SRSF4: variants seen among roughly 807,000 people sequenced by gnomAD.
The protein encoded by SRSF4 is serine and arginine rich splicing factor 4.
Under a neutral mutation model 48.8 loss-of-function variants are expected in SRSF4, and 12 were observed. That is an observed-to-expected ratio of 0.25 (90% CI 0.16 to 0.40). The LOEUF is 0.40. Ranked by LOEUF, SRSF4 falls within the 10% of genes least tolerant of loss-of-function variation. SRSF4 has a pLI of 1.00. For missense variants in SRSF4, 466 were observed against 667.1 expected (o/e 0.70, Z 3.32); for synonymous variants, 248 against 232.5 (o/e 1.07, Z -0.61).
In SRSF4 at chr1:29,159,489, T is replaced by C; in HGVS notation, c.251-3A>G. On this transcript the variant is annotated splice_region_variant and splice_polypyrimidine_tract_variant and intron_variant, in intron 2 of 5. Coordinates refer to ENST00000373795, the MANE Select transcript of SRSF4 (RefSeq NM_005626.5). Reference sequence around the variant, plus strand: ...ACTTCTTCTATAACCATATCCACCTTTGGAAGGTTCAAATAAATAAGATTA... The same window carrying C: ...ACTTCTTCTATAACCATATCCACCTCTGGAAGGTTCAAATAAATAAGATTA... 1 of 1,606,156 alleles carries C rather than the reference T, an allele frequency of 6.2e-7. No homozygotes were observed. Among genetic ancestry groups the C allele is most frequent in the Non-Finnish European group, 8.5e-7 (1 of 1,173,760 alleles).
chr1:29,178,812 G>C (rs947868122), intron 1 of SRSF4, among the ~76,000 whole-genome samples: 1 of 152,100 alleles, frequency 6.6e-6, no homozygotes, highest in African/African-American at 2.4e-5. Flanking sequence ...CAGCGTTTTT[G>C]CCATACAGGC....
chr1:29,181,568 C>A, intron 1 of SRSF4, 78 bp downstream of exon 1: 1 of 1,272,616 alleles, frequency 7.9e-7, no homozygotes, highest in South Asian at 1.4e-5. Context: ...ACCAGGCGTC[C>A]CTCTCCCGTC....
At chr1:29,156,311 C>A (rs113771997) in intron 3 of SRSF4, among the ~76,000 whole-genome samples, 10 of 150,450 alleles carry the variant, frequency 6.6e-5, no homozygotes, top group African/African-American at 2.4e-4. Context: ...CGAGATTGTG[C>A]CACTGCATTC....
intron 3 of SRSF4, among the ~76,000 whole-genome samples, chr1:29,158,735 G>C (rs888619340): frequency 6.6e-6 from 1 of 152,172 alleles, no homozygotes; most frequent in South Asian, 2.1e-4. Context: ...GAGGCCAGGA[G>C]TTCGAGACCA....
chr1:29,165,453 T>G (rs1414893382), intron 1 of SRSF4, among the ~76,000 whole-genome samples: 1 of 151,794 alleles, frequency 6.6e-6, no homozygotes, highest in Non-Finnish European at 1.5e-5. Context: ...AGGCAAGAAT[T>G]ATTATCTGAG....
At chr1:29,181,135 G>A (rs3094740) in intron 1 of SRSF4, among the ~76,000 whole-genome samples, 1 of 152,110 alleles carries the variant, frequency 6.6e-6, no homozygotes, top group Non-Finnish European at 1.5e-5. Flanking sequence ...CCAAAAAAGC[G>A]TGGCACACGG....
In SRSF4 at chr1:29,160,358, G is replaced by A; in HGVS notation, c.250+17C>T. On this transcript the variant is annotated intron_variant, in intron 2 of 5. Transcript: ENST00000373795. ...AAAAGCACGTTACTGATAAAAGTAT[G>A]CCCTTTGAATGCTTACTGCGTCCAG... 4 of 1,599,656 alleles carry A rather than the reference G, an allele frequency of 2.5e-6. No homozygotes were observed. The highest frequency in any genetic ancestry group is 3.4e-6 in the Non-Finnish European group (4 of 1,174,990).
chr1:29,160,869 C>T (rs1672584644), intron 1 of SRSF4, among the ~76,000 whole-genome samples: 2 of 152,242 alleles, frequency 1.3e-5, no homozygotes, highest in Non-Finnish European at 2.9e-5. Context: ...CTCTTTCAAA[C>T]ACCACATAAA....
chr1:29,181,844 CAACGGGCGGGCGGCGGG>C lies in SRSF4; in HGVS notation c.-109_-93del. The C allele has an allele frequency of 9.2e-7, 1 of 1,090,888 alleles. No homozygotes were observed. The highest frequency in any genetic ancestry group is 1.6e-5 in the African/African-American group (1 of 60,648). 67.6% of individuals were successfully genotyped at this position (1,090,888 alleles called of 1,614,324 possible). A position where few individuals can be genotyped will look rare whatever the true frequency, so the allele number is the denominator to read the frequency against. On this transcript the variant is annotated 5_prime_UTR_variant, in exon 1 of 6. Coordinates refer to ENST00000373795, the MANE Select transcript of SRSF4 (RefSeq NM_005626.5). The stretch of plus-strand genomic sequence containing the variant: ...AGCACGGCGGCAGCGGCGGCGGCGG[CAACGGGCGGGCGGCGGG>C]ACGGACGCAGCCGAACCCCGGCGAC...
At chr1:29,169,203 A>G (rs1186485562) in intron 1 of SRSF4, 1 of 152,244 alleles carries the variant, frequency 6.6e-6, no homozygotes, top group Non-Finnish European at 1.5e-5. Flanking sequence ...TCAAGAAACT[A>G]ACTTAGAGGA....
intron 1 of SRSF4, among the ~76,000 whole-genome samples, chr1:29,180,516 A>C (rs1287479152): frequency 6.6e-6 from 1 of 152,228 alleles, no homozygotes; most frequent in Non-Finnish European, 1.5e-5. Context: ...AAACATACTT[A>C]GGTAACTTTC....
chr1:29,149,228 TG>T lies in SRSF4; in HGVS notation c.669-3del. On this transcript the variant is annotated splice_region_variant and splice_polypyrimidine_tract_variant and intron_variant, in intron 5 of 5. Coordinates refer to ENST00000373795, the MANE Select transcript of SRSF4 (RefSeq NM_005626.5). ...TTGCTCCGGGAGCGGGAGCCCGACC[TG>T]AGGAGACATGGGATACTGTTTGTGT... The T allele has an allele frequency of 6.2e-7, 1 of 1,604,988 alleles. No individual in the cohort carries two copies. The highest frequency in any genetic ancestry group is 8.5e-7 in the Non-Finnish European group (1 of 1,179,742).
chr1:29,158,732 GGAGTTC>G (rs1324712687), intron 3 of SRSF4, among the ~76,000 whole-genome samples: 1 of 152,206 alleles, frequency 6.6e-6, no homozygotes, highest in Admixed American at 6.5e-5. Flanking sequence ...CTTGAGGCCA[GGAGTTC>G]GAGACCAGTC....
rs754501712 is a variant in SRSF4, at chr1:29,150,196, G to A, written c.579-4C>T. The A allele has an allele frequency of 3.1e-6, 5 of 1,613,004 alleles. No homozygotes were observed. Among genetic ancestry groups the A allele is most frequent in the Non-Finnish European group, 4.2e-6 (5 of 1,179,366 alleles). ...ATGTCTGCTTCGAGAGCGAGACCTA[G>A]GGGGAGAAAATATTTTTTAATACTT... On this transcript the variant is annotated splice_region_variant and splice_polypyrimidine_tract_variant and intron_variant, in intron 4 of 5. Transcript: ENST00000373795.
intron 1 of SRSF4, among the ~76,000 whole-genome samples, chr1:29,180,740 T>A (rs1363376708): frequency 1.3e-5 from 2 of 152,230 alleles, no homozygotes; most frequent in African/African-American, 4.8e-5. Flanking sequence ...CGTTGAGTAT[T>A]TTCTCCAGGC....
chr1:29,149,713 A>C (rs909901957), intron 5 of SRSF4, among the ~76,000 whole-genome samples: 6 of 148,950 alleles, frequency 4.0e-5, no homozygotes, highest in Non-Finnish European at 5.9e-5. Flanking sequence ...AAAGAAAAAG[A>C]AGCTGGAAAA....
chr1:29,148,545 C>T lies in SRSF4; in HGVS notation c.1350G>A (p.Ser450=), dbSNP rs148084661. The change falls in exon 6 of 6, where the codon TCG becomes TCA. Residue 450 remains serine (S), a synonymous_variant. Coordinates refer to ENST00000373795, the MANE Select transcript of SRSF4 (RefSeq NM_005626.5). ...GTGATTCTGATGGAAGGTTTGGTTT[C>T]GATTTGGAATTGGATCTCGACCTGG... ...TRSRSRSNSK[S]KPNLPSESRS... The T allele has an allele frequency of 6.6e-5, 106 of 1,613,904 alleles. No individual in the cohort carries two copies. Among genetic ancestry groups the T allele is most frequent in the Non-Finnish European group, 8.1e-5 (95 of 1,180,026 alleles).
chr1:29,167,459 A>G (rs1574198101), intron 1 of SRSF4, among the ~76,000 whole-genome samples: 3 of 152,226 alleles, frequency 2.0e-5, no homozygotes, highest in Admixed American at 1.3e-4. Context: ...ATCTTGGCTC[A>G]CTGCAGCCTC....
rs537344387 is a variant in SRSF4, at chr1:29,147,937, C to T, written c.*473G>A. On this transcript the variant is annotated 3_prime_UTR_variant, in exon 6 of 6. Transcript: ENST00000373795. ...GGTTACTGCAGGTATCAATTTTCCT[C>T]GACTGTGCTATTCACAACTTTGTTA... The T allele has an allele frequency of 1.2e-3, 450 of 372,042 alleles. 2 individuals carry two copies. Among genetic ancestry groups the T allele is most frequent in the Non-Finnish European group, 1.7e-3 (303 of 183,268 alleles). 23.0% of individuals were successfully genotyped at this position (372,042 alleles called of 1,614,324 possible).
Sources: gnomAD v4.1 joint callset for allele counts (sites outside exome capture counted in the v4.1 genomes callset) on GRCh38, gnomAD v4.1.1 for gene constraint, MANE v1.5 for transcripts, NCBI Gene and HGNC (gene_info 2026-07-23, HGNC 2026-07-21) for gene names.